The following PLAT variants were observed in gnomAD, a reference collection of about 807,000 sequenced individuals.
The protein encoded by PLAT is plasminogen activator, tissue type.
In PLAT, 48 loss-of-function variants were observed where a neutral mutation model predicts 74.9. The ratio of observed to expected loss-of-function variants is 0.64; its 90% CI spans 0.51 to 0.82. The LOEUF is 0.82. Ranked by LOEUF, PLAT falls within the 40% of genes least tolerant of loss-of-function variation. PLAT has a pLI of 0.00. For synonymous variants in PLAT, 307 were observed against 294.4 expected (o/e 1.04, Z -0.44); for missense variants, 673 against 736.2 (o/e 0.91, Z 0.99).
At chr8:42,186,520 T>C (rs895891129) in intron 6 of PLAT, 3 of 152,302 alleles carry the variant, frequency 2.0e-5, no homozygotes, top group Middle Eastern at 3.4e-3. Context: ...CACATGTTGA[T>C]TGATGTCTCA....
chr8:42,181,177 G>A (rs146460044), intron 9 of PLAT, among the ~76,000 whole-genome samples: 1 of 152,360 alleles, frequency 6.6e-6, no homozygotes, highest in Admixed American at 6.5e-5. Context: ...ATGCCCTTGG[G>A]TGTGAGTTAG....
Position 42,182,005 on chromosome 8 carries a change from G to T in PLAT, c.821C>A (p.Ala274Asp). 6.2e-7 allele frequency: 1 copy of T among 1,606,276 alleles called. No individual in the cohort carries two copies. The highest frequency in any genetic ancestry group is 8.5e-7 in the Non-Finnish European group (1 of 1,172,824). ...HNYCRNPDGD[A>D]KPWCHVLKNR... ...CTTCAGCACGTGGCACCAGGGCTTG[G>T]CATCCCCATCAGGATTCCTAAATGA... The change falls in exon 9 of 14, where the codon GCC becomes GAC. Residue 274 changes from alanine to aspartate, a missense_variant. Transcript: ENST00000220809.
intron 1 of PLAT, among the ~76,000 whole-genome samples, chr8:42,197,920 G>A (rs1267862694): frequency 2.6e-5 from 4 of 152,194 alleles, no homozygotes; most frequent in Non-Finnish European, 4.4e-5. Context: ...GGTTGCCTCC[G>A]GTGCTGACAT....
At chr8:42,202,980 G>T (rs996884756) in intron 1 of PLAT, among the ~76,000 whole-genome samples, 1 of 152,156 alleles carries the variant, frequency 6.6e-6, no homozygotes, top group South Asian at 2.1e-4. Flanking sequence ...CACAGCTCCC[G>T]ACAGCAGGCA....
At chr8:42,176,267 T>C (rs765053508) in intron 13 of PLAT, 116 bp from the exon 14 acceptor site, 1 of 683,852 alleles carries the variant, frequency 1.5e-6, no homozygotes, top group Non-Finnish European at 2.5e-6. Context: ...TTCAATAATA[T>C]TCCATTCAGT....
chr8:42,191,103 C>G (rs1306852505), intron 3 of PLAT, among the ~76,000 whole-genome samples: 1 of 152,212 alleles, frequency 6.6e-6, no homozygotes, highest in Admixed American at 6.5e-5. Flanking sequence ...CCCCCCCAGC[C>G]CCCGCTAGGT....
chr8:42,204,074 G>A (rs1806244768), intron 1 of PLAT, among the ~76,000 whole-genome samples: 2 of 149,858 alleles, frequency 1.3e-5, no homozygotes, highest in Non-Finnish European at 2.9e-5. Flanking sequence ...TTTTATGTAA[G>A]TAGAAAACTG....
chr8:42,188,315 C>T (rs369241432), intron 4 of PLAT: 60 of 304,438 alleles, frequency 2.0e-4, no homozygotes, highest in East Asian at 8.7e-4. Context: ...ATGTGCCAGG[C>T]GCTGTTGTAC....
chr8:42,197,783 A>C (rs995598092), intron 1 of PLAT, among the ~76,000 whole-genome samples: 3 of 152,242 alleles, frequency 2.0e-5, no homozygotes, highest in Non-Finnish European at 4.4e-5. Flanking sequence ...GGAACTAATC[A>C]GCTTGTTCGC....
chr8:42,181,830 G>A (rs2129713250), intron 9 of PLAT, 107 bp downstream of exon 9: 2 of 705,536 alleles, frequency 2.8e-6, no homozygotes, highest in South Asian at 3.2e-5. Context: ...TGGAAGTCTG[G>A]TAGGCACACA....
At chr8:42,182,655 C>G in intron 8 of PLAT, 64 bp downstream of exon 8, 3 of 1,261,056 alleles carry the variant, frequency 2.4e-6, no homozygotes, top group Middle Eastern at 2.0e-4. Flanking sequence ...TGGATCTTCC[C>G]CCGTCTCACA....
At chr8:42,187,792 C>T in intron 5 of PLAT, 114 bp downstream of exon 5, 1 of 819,178 alleles carries the variant, frequency 1.2e-6, no homozygotes, top group Non-Finnish European at 2.0e-6. Context: ...AGCGCCTTCC[C>T]TGTCCCTGGC....
chr8:42,188,685 G>A (rs573454019), intron 4 of PLAT, among the ~76,000 whole-genome samples: 1 of 152,290 alleles, frequency 6.6e-6, no homozygotes, highest in East Asian at 1.9e-4. Context: ...AGGTTGAAAT[G>A]CAGTGGCACA....
intron 2 of PLAT, among the ~76,000 whole-genome samples, chr8:42,191,773 A>G (rs1805695352): frequency 6.6e-6 from 1 of 152,046 alleles, no homozygotes; most frequent in Admixed American, 6.6e-5. Context: ...GTAAGTGGCC[A>G]CCATATTGGG....
At position 42,182,826 on chromosome 8, in the gene PLAT, C is replaced by T. The variant is rs141527386; in HGVS notation, c.696G>A (p.Ser232=). 4.2e-5 allele frequency: 68 copies of T among 1,613,534 alleles called. No homozygotes were observed. Among genetic ancestry groups the T allele is most frequent in the Non-Finnish European group, 4.9e-5 (58 of 1,179,488 alleles). ...AYRGTHSLTE[S]GASCLPWNSM... ...AATTCCACGGGAGGCAGGAGGCACCCGACTCGGTGAGGCTGTGCGTGCCAC... is the reference window on the plus strand; with the variant it reads ...AATTCCACGGGAGGCAGGAGGCACCTGACTCGGTGAGGCTGTGCGTGCCAC... Residue 232 remains serine (S), a synonymous_variant, in exon 8 of 14, where the codon TCG becomes TCA. Coordinates refer to ENST00000220809, the MANE Select transcript of PLAT (RefSeq NM_000930.5).
chr8:42,198,205 T>C (rs1587943448), intron 1 of PLAT, among the ~76,000 whole-genome samples: 1 of 151,976 alleles, frequency 6.6e-6, no homozygotes, highest in South Asian at 2.1e-4. Context: ...AAATAGATTA[T>C]ATGGCCAGGC....
chr8:42,198,976 G>A (rs1256298148), intron 1 of PLAT, among the ~76,000 whole-genome samples: 3 of 152,214 alleles, frequency 2.0e-5, no homozygotes, highest in South Asian at 2.1e-4. Flanking sequence ...AGAGCAGGAC[G>A]AGAGCTGAAG....
chr8:42,176,960 C>T (rs1296975449), intron 13 of PLAT, among the ~76,000 whole-genome samples: 2 of 151,722 alleles, frequency 1.3e-5, no homozygotes, highest in Non-Finnish European at 2.9e-5. Flanking sequence ...GAACTTCACT[C>T]TTCTTTTTTT....
chr8:42,205,449 C>A (rs1378067245), intron 1 of PLAT, among the ~76,000 whole-genome samples: 1 of 152,130 alleles, frequency 6.6e-6, no homozygotes, highest in Non-Finnish European at 1.5e-5. Context: ...ATCACTTGAA[C>A]CTGGGAGGTG....
Sources: gnomAD v4.1 joint callset for allele counts (sites outside exome capture counted in the v4.1 genomes callset) on GRCh38, gnomAD v4.1.1 for gene constraint, MANE v1.5 for transcripts, NCBI Gene and HGNC (gene_info 2026-07-23, HGNC 2026-07-21) for gene names.